The following SH3TC2 variants were observed in gnomAD, a reference collection of about 807,000 sequenced individuals.
The protein encoded by SH3TC2 is SH3 domain and tetratricopeptide repeat-containing protein 2.
A neutral mutation model predicts 124.5 loss-of-function variants in SH3TC2; 87 were observed. That is an observed-to-expected ratio of 0.70 (90% CI 0.59 to 0.84). SH3TC2 has a LOEUF of 0.84. SH3TC2 is among the 40% of genes least tolerant of loss of function. The probability of loss-of-function intolerance (pLI) is 0.00; values close to 1 mark genes in which losing one functional copy is unlikely to be tolerated. For synonymous variants in SH3TC2, 634 were observed against 628.5 expected (o/e 1.01, Z -0.13); for missense variants, 1,536 against 1,566.4 (o/e 0.98, Z 0.33).
rs146162276 is a variant in SH3TC2 at position 149,052,156 on chromosome 5, T to G, written c.137A>C (p.Gln46Pro). ...SEYKEKCFLP[Q>P]NINPDLTLSF... ...CATTTGGATACCTGGATTAATGTTC[T>G]GTGGCAGAAAACATTTTTCCTTGTA... The change falls in exon 2 of 17, where the codon CAG becomes CCG. Residue 46 changes from glutamine to proline, a missense_variant. Physicochemically the swap from Gln to Pro is moderately conservative, Grantham distance 76. Around this residue, in one of 3 missense-constraint regions of SH3TC2, gnomAD observed 1,102 missense variants for 1,098.6 expected, o/e 1.00. Coordinates refer to ENST00000515425, the MANE Select transcript of SH3TC2 (RefSeq NM_024577.4). 6.6e-4 allele frequency: 1,071 copies of G among 1,611,276 alleles called. 2 individuals carry two copies. The highest frequency in any genetic ancestry group is 4.8e-4 in the Non-Finnish European group (563 of 1,177,400).
intron 9 of SH3TC2, among the ~76,000 whole-genome samples, chr5:149,029,284 G>A (rs907885416): frequency 6.6e-6 from 1 of 152,236 alleles, no homozygotes; most frequent in Non-Finnish European, 1.5e-5. Flanking sequence ...AGTGGCAGGG[G>A]CGAGGGGCCA....
In SH3TC2 at chr5:149,006,942, T is replaced by A. The variant is rs979343076; in HGVS notation, c.3614A>T (p.Glu1205Val). ...ATACACCTTGGCATAGTACAGGGCC[T>A]CCTTGGGACTCTGCAGCCATGGTGG... is the stretch of plus-strand genomic sequence containing the variant. Reference protein sequence around the residue: ...LCPPWLQSPKEALYYAKVYYR... With the variant: ...LCPPWLQSPKVALYYAKVYYR... Residue 1205 changes from glutamate (E) to valine (V), a missense_variant, in exon 16 of 17, where the codon GAG becomes GTG. By Grantham distance (121) the Glu-to-Val change is moderately radical. Transcript: ENST00000515425. 11 of 1,614,128 alleles carry A rather than the reference T, an allele frequency of 6.8e-6. 1 individual carries two copies. In the South Asian group the frequency reaches 9.9e-5, roughly 15 times the overall value.
chr5:149,062,131 G>A (rs12513554), intron 1 of SH3TC2, among the ~76,000 whole-genome samples: 5,125 of 152,174 alleles, frequency 0.034, 339 homozygotes, highest in Admixed American at 0.16. Context: ...GCTCCAGGAA[G>A]ACACAGAGTT....
intron 1 of SH3TC2, among the ~76,000 whole-genome samples, chr5:149,061,148 A>C (rs1373588567): frequency 1.3e-5 from 2 of 152,258 alleles, no homozygotes; most frequent in Non-Finnish European, 2.9e-5. Context: ...GGTGCCAGCC[A>C]GTAATCAATG....
intron 1 of SH3TC2, chr5:149,062,267 G>C (rs766376391): frequency 2.0e-6 from 1 of 499,748 alleles, no homozygotes; most frequent in Non-Finnish European, 4.1e-6. Context: ...CCACACAAGA[G>C]AACACAGGGC....
chr5:149,027,149 C>A lies in SH3TC2; in HGVS notation c.2583G>T (p.Arg861=), dbSNP rs142483798. The change falls in exon 11 of 17, where the codon CGG becomes CGT. Residue 861 remains arginine, a synonymous_variant. Coordinates refer to ENST00000515425, the MANE Select transcript of SH3TC2 (RefSeq NM_024577.4). ...CCACCTCCTGGGCTCTGTTCAAGGC[C>A]CGAAGATAGCTCTTGGCTGCCCTGT... The part of the protein sequence containing the change: ...RVNRAAKSYL[R]ALNRAQEVGD... 1 of 1,614,164 alleles carries A rather than the reference C, an allele frequency of 6.2e-7. No homozygotes were observed. The highest frequency in any genetic ancestry group is 1.3e-5 in the African/African-American group (1 of 75,060).
chr5:148,995,264 G>T lies in SH3TC2; in HGVS notation c.*9447C>A, dbSNP rs2127389076. Among the ~76,000 whole-genome samples the T allele has an allele frequency of 6.6e-6, 1 of 152,302 alleles. No individual in the cohort carries two copies. Among genetic ancestry groups the T allele is most frequent in the South Asian group, 2.1e-4 (1 of 4,824 alleles). ...CTGATTTTCCAGGTCAGACAAAAGT[G>T]ATTTTGAATCTCTGCAAACATCTGA... On this transcript the variant is annotated 3_prime_UTR_variant, in exon 17 of 17. Transcript: ENST00000515425.
Position 149,027,420 on chromosome 5 carries a change from C to T in SH3TC2, c.2312G>A (p.Arg771Lys), listed in dbSNP as rs760019682. The change falls in exon 11 of 17, where the codon AGG (arginine) becomes AAG (lysine). Residue 771 changes from arginine (R) to lysine (K), a missense_variant. This residue lies in a region of SH3TC2 where 1,102 missense variants were observed against 1,098.6 expected (regional missense o/e 1.00). Coordinates refer to ENST00000515425, the MANE Select transcript of SH3TC2 (RefSeq NM_024577.4). ...GTAGTGGATGGCACCGTCAGGAGAC[C>T]TGTGCTCGAGGTACACTTTGGAAAG... The part of the protein sequence containing the change: ...LILSKVYLEH[R>K]SPDGAIHYLS... The T allele has an allele frequency of 6.2e-7, 1 of 1,614,040 alleles. No individual in the cohort carries two copies. Among genetic ancestry groups the T allele is most frequent in the African/African-American group, 1.3e-5 (1 of 74,958 alleles).
At chr5:149,044,799 G>T (rs181515870) in intron 3 of SH3TC2, 161 bp from the exon 4 acceptor site, 148 of 624,468 alleles carry the variant, frequency 2.4e-4, no homozygotes, top group Non-Finnish European at 4.0e-4. Flanking sequence ...TAAGAGATTG[G>T]TTAAAATGGA....
intron 1 of SH3TC2, among the ~76,000 whole-genome samples, chr5:149,058,951 T>C (rs1754698935): frequency 6.6e-6 from 1 of 151,806 alleles, no homozygotes; most frequent in Non-Finnish European, 1.5e-5. Flanking sequence ...GCTGAAGAGG[T>C]GCTGTGAAAA....
intron 12 of SH3TC2, among the ~76,000 whole-genome samples, chr5:149,025,000 A>C (rs150901513): frequency 1.1e-3 from 167 of 152,252 alleles, no homozygotes; most frequent in African/African-American, 3.8e-3. Flanking sequence ...AGCCTGACAC[A>C]TATTTGGCAC....
At chr5:149,022,289 C>T (rs1234648970) in intron 12 of SH3TC2, among the ~76,000 whole-genome samples, 1 of 152,076 alleles carries the variant, frequency 6.6e-6, no homozygotes, top group Admixed American at 6.5e-5. Flanking sequence ...TGAAATGATG[C>T]TCAATATCTT....
At chr5:149,018,648 G>C (rs1229290147) in intron 12 of SH3TC2, among the ~76,000 whole-genome samples, 1 of 152,066 alleles carries the variant, frequency 6.6e-6, no homozygotes, top group African/African-American at 2.4e-5. Context: ...ACAACACATG[G>C]GAATTATGGG....
rs1025936411 is a variant in SH3TC2 at position 148,999,856 on chromosome 5, A to G, written c.*4855T>C. On this transcript the variant is annotated 3_prime_UTR_variant, in exon 17 of 17. Transcript: ENST00000515425. ...TACCTTCCCCTCAACCTCCAGGTAG[A>G]ATCCAAACCCTCTTTGCTTCCCTGA... is the stretch of plus-strand genomic sequence containing the variant. Among the ~76,000 whole-genome samples the G allele has an allele frequency of 7.0e-6, 1 of 143,828 alleles. No individual in the cohort carries two copies. Among genetic ancestry groups the G allele is most frequent in the Non-Finnish European group, 1.6e-5 (1 of 61,992 alleles). The allele number at this position is 143,828 out of a possible 152,430, so 94.4% of individuals were successfully genotyped here. A position where few individuals can be genotyped will look rare whatever the true frequency, so the allele number is the denominator to read the frequency against.
chr5:149,051,369 C>T (rs140669366), intron 2 of SH3TC2, among the ~76,000 whole-genome samples: 2 of 152,152 alleles, frequency 1.3e-5, no homozygotes, highest in African/African-American at 4.8e-5. Flanking sequence ...TTACGCAGAA[C>T]CTACTACATA....
rs1580909284 is a variant in SH3TC2 at position 149,040,616 on chromosome 5, A to T, written c.793T>A (p.Ser265Thr). 2.5e-6 allele frequency: 4 copies of T among 1,614,056 alleles called. No individual in the cohort carries two copies. Among genetic ancestry groups the T allele is most frequent in the Non-Finnish European group, 3.4e-6 (4 of 1,179,888 alleles). ...GACTCAGCCATACCAATCTGATAGGAGCCTGTCCAATCCCTCTTCCTGGAA... is the reference window on the plus strand; with the variant it reads ...GACTCAGCCATACCAATCTGATAGGTGCCTGTCCAATCCCTCTTCCTGGAA... ...GLSRKRDWTGSYQIGRGRCKA... is the reference protein window; with the variant it reads ...GLSRKRDWTGTYQIGRGRCKA... Residue 265 changes from serine (S) to threonine (T), a missense_variant, in exon 7 of 17, where the codon TCC becomes ACC. Coordinates refer to ENST00000515425, the MANE Select transcript of SH3TC2 (RefSeq NM_024577.4).
At chr5:149,044,963 C>T (rs1196784580) in intron 3 of SH3TC2, 1 of 200,880 alleles carries the variant, frequency 5.0e-6, no homozygotes, top group African/African-American at 2.3e-5. Context: ...GCAAAGAATG[C>T]TACTTTTTGT....
chr5:149,040,173 C>T (rs994210285), intron 7 of SH3TC2, among the ~76,000 whole-genome samples: 2 of 152,150 alleles, frequency 1.3e-5, no homozygotes, highest in Non-Finnish European at 2.9e-5. Context: ...CATTTCTACT[C>T]TTCCTAAATT....
In SH3TC2 at chr5:149,023,495, A is replaced by C. The variant is rs115943736; in HGVS notation, c.3053+3077T>G. 3.2e-3 allele frequency among the ~76,000 whole-genome samples: 482 copies of C among 152,122 alleles called. 7 individuals are homozygous for C. Among genetic ancestry groups the C allele is most frequent in the African/African-American group, 0.011 (461 of 41,494 alleles). On this transcript the variant is annotated intron_variant, in intron 12 of 16. Transcript: ENST00000515425. ...CCTTGATGGGTATTTAAAAATCTTT[A>C]AGTAGTTACTTCAGGAAAGTATCAA...
Sources: gnomAD v4.1 joint callset for allele counts (sites outside exome capture counted in the v4.1 genomes callset) on GRCh38, gnomAD v4.1.1 for gene constraint, gnomAD v4.1.1 regional missense constraint, MANE v1.5 for transcripts, NCBI Gene and HGNC (gene_info 2026-07-23, HGNC 2026-07-21) for gene names.